Variants in MAN1A2 observed in about 807,000 individuals in gnomAD.
MAN1A2 encodes the protein mannosidase alpha class 1A member 2.
In MAN1A2, 26 loss-of-function variants were observed where a neutral mutation model predicts 75.7. The observed-to-expected ratio is 0.34, with a 90% confidence interval of 0.25 to 0.48. The LOEUF (loss-of-function observed/expected upper bound fraction) is 0.48. Ranked by LOEUF, MAN1A2 falls within the 20% of genes least tolerant of loss-of-function variation. The pLI is 0.99. For missense variants in MAN1A2, 562 were observed against 775.5 expected, an observed-to-expected ratio of 0.72 and a Z score of 3.27; for synonymous variants, 247 against 264.6, an observed-to-expected ratio of 0.93 and a Z score of 0.65.
At chr1:117,387,526 C>A (rs547515415) in intron 1 of MAN1A2, among the ~76,000 whole-genome samples, 1 of 151,958 alleles carries the variant, frequency 6.6e-6, no homozygotes, top group African/African-American at 2.4e-5. Flanking sequence ...TGGATCATTC[C>A]GTATCAGTAG....
In MAN1A2 at chr1:117,368,197, C is replaced by T. The variant is rs748410905; in HGVS notation, c.14C>T (p.Ala5Val). ...AGAGCGTAAACGATGACTACCCCAGCCCTGCTGCCCCTCTCTGGACGTAGG... is the reference window on the plus strand; with the variant it reads ...AGAGCGTAAACGATGACTACCCCAGTCCTGCTGCCCCTCTCTGGACGTAGG... MTTPALLPLSGRRIP... is the reference protein window; with the variant it reads MTTPVLLPLSGRRIP... The change falls in exon 1 of 13, where the codon GCC (alanine) becomes GTC (valine). Residue 5 changes from alanine (A) to valine (V), a missense_variant. Ala to Val is a moderately conservative substitution (Grantham distance 64, BLOSUM62 0). This residue lies in a region of MAN1A2 where 128 missense variants were observed against 129.8 expected (regional missense o/e 0.99). Transcript: ENST00000356554. 1.2e-6 allele frequency: 2 copies of T among 1,612,202 alleles called. No individual in the cohort carries two copies. Among genetic ancestry groups the T allele is most frequent in the South Asian group, 1.1e-5 (1 of 90,862 alleles).
At chr1:117,425,295 G>A (rs1471302474) in intron 5 of MAN1A2, among the ~76,000 whole-genome samples, 4 of 151,970 alleles carry the variant, frequency 2.6e-5, no homozygotes, top group Non-Finnish European at 2.9e-5. Flanking sequence ...ATTTAATATC[G>A]ATTATATGTA....
In MAN1A2 at chr1:117,495,909, A is replaced by G. The variant is rs141003952; in HGVS notation, c.1285-854A>G. Among the ~76,000 whole-genome samples the G allele has an allele frequency of 4.0e-3, 602 of 152,034 alleles. 4 individuals carry two copies. The highest frequency in any genetic ancestry group is 0.014 in the African/African-American group (572 of 41,508). ...CTCTCATTCCCCAACATCAAATACAATTATCTAAGAGCACCATTCATTTAT... is the reference window on the plus strand; with the variant it reads ...CTCTCATTCCCCAACATCAAATACAGTTATCTAAGAGCACCATTCATTTAT... On this transcript the variant is annotated intron_variant, in intron 9 of 12. Coordinates refer to ENST00000356554, the MANE Select transcript of MAN1A2 (RefSeq NM_006699.5).
At chr1:117,467,597 A>G (rs1224554149) in intron 8 of MAN1A2, among the ~76,000 whole-genome samples, 1 of 152,112 alleles carries the variant, frequency 6.6e-6, no homozygotes, top group Non-Finnish European at 1.5e-5. Context: ...TTTGAAGAAG[A>G]TAAAAGCTCT....
chr1:117,499,032 A>T (rs1651116139), intron 10 of MAN1A2, among the ~76,000 whole-genome samples: 2 of 151,880 alleles, frequency 1.3e-5, no homozygotes, highest in South Asian at 4.1e-4. Flanking sequence ...TTATCTATAT[A>T]CTTTTATTTT....
intron 8 of MAN1A2, among the ~76,000 whole-genome samples, chr1:117,470,863 T>C (rs1340773528): frequency 6.6e-6 from 1 of 152,000 alleles, no homozygotes; most frequent in African/African-American, 2.4e-5. Flanking sequence ...AATTCAGCTT[T>C]GGCTAACTGT....
At chr1:117,449,857 C>A (rs184965873) in intron 6 of MAN1A2, among the ~76,000 whole-genome samples, 1 of 152,158 alleles carries the variant, frequency 6.6e-6, no homozygotes, top group African/African-American at 2.4e-5. Flanking sequence ...ACTCTCTTCA[C>A]GTCTGTGAAT....
At chr1:117,383,107 T>TAAGATAAGGGGCAAAGATAAGTGCC (rs1653405048) in intron 1 of MAN1A2, among the ~76,000 whole-genome samples, 1 of 152,214 alleles carries the variant, frequency 6.6e-6, no homozygotes, top group Non-Finnish European at 1.5e-5. Flanking sequence ...TTTGTCTTAC[T>TAAGATAAGGGGCAAAGATAAGTGCC]CCTTATCTTA....
At chr1:117,385,165 G>T (rs1454996975) in intron 1 of MAN1A2, among the ~76,000 whole-genome samples, 2 of 152,104 alleles carry the variant, frequency 1.3e-5, no homozygotes, top group Admixed American at 6.6e-5. Flanking sequence ...GTTGAAATGG[G>T]CCTTTTCTCA....
At chr1:117,503,051 T>C in intron 12 of MAN1A2, 81 bp downstream of exon 12, 1 of 675,344 alleles carries the variant, frequency 1.5e-6, no homozygotes, top group Non-Finnish European at 2.4e-6. Flanking sequence ...TACAACTATG[T>C]GACAGGTTAC....
chr1:117,369,672 A>G (rs1470404824), intron 1 of MAN1A2, among the ~76,000 whole-genome samples: 2 of 152,106 alleles, frequency 1.3e-5, no homozygotes, highest in Non-Finnish European at 2.9e-5. Flanking sequence ...ATTCTTTTGT[A>G]ACTAAGTTAA....
intron 8 of MAN1A2, among the ~76,000 whole-genome samples, chr1:117,488,544 T>C (rs1375167277): frequency 6.6e-6 from 1 of 151,982 alleles, no homozygotes; most frequent in African/African-American, 2.4e-5. Context: ...AACAAATTTA[T>C]GGTGATAATA....
In MAN1A2 at chr1:117,456,333, A is replaced by G. The variant is rs193217184; in HGVS notation, c.951-4156A>G. On this transcript the variant is annotated intron_variant, in intron 6 of 12. Coordinates refer to ENST00000356554, the MANE Select transcript of MAN1A2 (RefSeq NM_006699.5). The stretch of plus-strand genomic sequence containing the variant: ...GTTTTATAAGCCAGATTATGGCATC[A>G]TATAATGAGAATGACCATATAGTGT... Among the ~76,000 whole-genome samples, 175 of 152,116 alleles carry G rather than the reference A, an allele frequency of 1.2e-3. 1 individual carries two copies. Among genetic ancestry groups the G allele is most frequent in the Non-Finnish European group, 2.0e-3 (137 of 67,914 alleles).
intron 5 of MAN1A2, among the ~76,000 whole-genome samples, chr1:117,429,955 C>CT (rs1348183947): frequency 1.2e-5 from 1 of 83,778 alleles, no homozygotes; most frequent in Non-Finnish European, 2.6e-5. Flanking sequence ...CCCTCACCTC[C>CT]AGACGGGGCG....
Position 117,526,876 on chromosome 1 carries a change from CTCTCTA to C in MAN1A2, c.*3921_*3926del, listed in dbSNP as rs1463167699. On this transcript the variant is annotated 3_prime_UTR_variant, in exon 13 of 13. Transcript: ENST00000356554. The stretch of plus-strand genomic sequence containing the variant: ...TCTCTCTCTCTCTCTCTCTCTCTCT[CTCTCTA>C]TATATATATATATATATATATATAT... The C allele has an allele frequency of 9.3e-3, 628 of 67,864 alleles. No individual in the cohort carries two copies. Among genetic ancestry groups the C allele is most frequent in the Non-Finnish European group, 0.015 (477 of 31,960 alleles). 4.2% of individuals were successfully genotyped at this position (67,864 alleles called of 1,614,324 possible). A position where few individuals can be genotyped will look rare whatever the true frequency, so the allele number is the denominator to read the frequency against.
At chr1:117,404,766 A>T (rs1288286254) in intron 2 of MAN1A2, among the ~76,000 whole-genome samples, 1 of 152,104 alleles carries the variant, frequency 6.6e-6, no homozygotes, top group Admixed American at 6.6e-5. Flanking sequence ...TTTAAAAATA[A>T]ATTTTAGGCT....
At position 117,528,496 on chromosome 1, in the gene MAN1A2, C is replaced by G. The variant is rs1652088017; in HGVS notation, c.*5539C>G. On this transcript the variant is annotated 3_prime_UTR_variant, in exon 13 of 13. Coordinates refer to ENST00000356554, the MANE Select transcript of MAN1A2 (RefSeq NM_006699.5). ...ATATGCAGAGGATTTTAAATAATTG[C>G]AAATGTCTTGTGGCTGTTTTATTTC... 1 of 151,980 alleles carries G rather than the reference C, an allele frequency of 6.6e-6. No individual in the cohort carries two copies. Among genetic ancestry groups the G allele is most frequent in the African/African-American group, 2.4e-5 (1 of 41,370 alleles). 9.4% of individuals were successfully genotyped at this position (151,980 alleles called of 1,614,324 possible).
chr1:117,502,025 C>T (rs2101881932), intron 11 of MAN1A2, among the ~76,000 whole-genome samples: 1 of 151,776 alleles, frequency 6.6e-6, no homozygotes, highest in African/African-American at 2.4e-5. Flanking sequence ...TGAATAGATT[C>T]CATTTGATTC....
intron 4 of MAN1A2, among the ~76,000 whole-genome samples, chr1:117,417,533 A>AT (rs1299746238): frequency 1.3e-4 from 15 of 118,582 alleles, no homozygotes; most frequent in South Asian, 2.6e-4. Context: ...CCTTGAGTTT[A>AT]AATATATATA....
Sources: allele counts gnomAD v4.1 joint callset (sites outside exome capture counted in the v4.1 genomes callset), GRCh38; gene constraint gnomAD v4.1.1; regional missense constraint gnomAD v4.1.1; transcripts MANE v1.5; gene names NCBI Gene and HGNC (gene_info 2026-07-23, HGNC 2026-07-21).